Variants in CREB5 observed in about 807,000 individuals in gnomAD.
The protein encoded by CREB5 is cAMP responsive element binding protein 5.
A neutral mutation model predicts 57.1 loss-of-function variants in CREB5; 19 were observed. The observed-to-expected ratio is 0.33, with a 90% CI of 0.23 to 0.49. CREB5 has a LOEUF of 0.49. CREB5 is among the 20% of genes least tolerant of loss of function. The probability of loss-of-function intolerance (pLI) is 0.99; values close to 1 mark genes in which losing one functional copy is unlikely to be tolerated. For synonymous variants in CREB5, 238 were observed against 238.3 expected, an observed-to-expected ratio of 1.00 and a Z score of 0.01; for missense variants, 579 against 671.6, an observed-to-expected ratio of 0.86 and a Z score of 1.52.
upstream of CREB5, chr7:28,410,309 C>T (rs1302283558): frequency 6.6e-6 from 3 of 456,584 alleles, no homozygotes; most frequent in African/African-American, 4.0e-5. Context: ...GTTACCTCTT[C>T]CCGGCCGCTG....
At chr7:28,301,199 A>T (rs1383644499) in intron 1 of CREB5, among the ~76,000 whole-genome samples, 1 of 152,206 alleles carries the variant, frequency 6.6e-6, no homozygotes, top group East Asian at 1.9e-4. Context: ...TCAGAGAACC[A>T]GTTATTTCAG....
At chr7:28,693,456 C>T (rs558225455) in intron 5 of CREB5, among the ~76,000 whole-genome samples, 2 of 152,194 alleles carry the variant, frequency 1.3e-5, no homozygotes, top group Non-Finnish European at 2.9e-5. Flanking sequence ...CCTCTTGCAG[C>T]CTTTTGGGCC....
intron 1 of CREB5, among the ~76,000 whole-genome samples, chr7:28,318,603 G>T (rs576883668): frequency 3.9e-5 from 6 of 152,274 alleles, no homozygotes; most frequent in Admixed American, 3.3e-4. Context: ...TCTCAGGGTT[G>T]CCTGAGACAG....
At chr7:28,602,414 T>C (rs570051061) in intron 5 of CREB5, among the ~76,000 whole-genome samples, 1 of 152,286 alleles carries the variant, frequency 6.6e-6, no homozygotes, top group Non-Finnish European at 1.5e-5. Flanking sequence ...GTGGACTATT[T>C]TAAAATAAAG....
At chr7:28,756,856 CAG>C (rs1167484381) in intron 7 of CREB5, among the ~76,000 whole-genome samples, 1 of 152,114 alleles carries the variant, frequency 6.6e-6, no homozygotes, top group East Asian at 1.9e-4. Flanking sequence ...GAGAGAGAGG[CAG>C]AGAGAGATCA....
chr7:28,488,586 A>G (rs1791670502), intron 2 of CREB5, among the ~76,000 whole-genome samples: 1 of 152,218 alleles, frequency 6.6e-6, no homozygotes, highest in South Asian at 2.1e-4. Flanking sequence ...TTACTTTTAC[A>G]AAAGCCACTT....
At position 28,822,952 on chromosome 7, in the gene CREB5, T is replaced by C. The variant is rs1392379902; in HGVS notation, c.*3673T>C. On this transcript the variant is annotated 3_prime_UTR_variant, in exon 11 of 11. Coordinates refer to ENST00000357727, the MANE Select transcript of CREB5 (RefSeq NM_182898.4). ...CAGTTTGTGTGCTCACAGTATATAT[T>C]ATAGTAATTAGGGTGACTTAGAGCA... 2 of 152,634 alleles carry C rather than the reference T, an allele frequency of 1.3e-5. No individual in the cohort carries two copies. The highest frequency in any genetic ancestry group is 4.8e-5 in the African/African-American group (2 of 41,452). The allele number at this position is 152,634 out of a possible 1,614,324, so 9.5% of individuals were successfully genotyped here.
At chr7:28,587,104 T>A (rs902046908) in intron 5 of CREB5, among the ~76,000 whole-genome samples, 2 of 152,256 alleles carry the variant, frequency 1.3e-5, no homozygotes, top group Non-Finnish European at 2.9e-5. Flanking sequence ...TTCTAAATCA[T>A]TCATGTATTT....
intron 7 of CREB5, among the ~76,000 whole-genome samples, chr7:28,769,717 G>A (rs973331742): frequency 2.6e-5 from 4 of 152,008 alleles, no homozygotes; most frequent in Admixed American, 1.3e-4. Flanking sequence ...GTCCTTATAG[G>A]GCAGTTAGAG....
At chr7:28,586,943 A>T (rs1796326554) in intron 5 of CREB5, among the ~76,000 whole-genome samples, 1 of 152,210 alleles carries the variant, frequency 6.6e-6, no homozygotes, top group Admixed American at 6.5e-5. Context: ...GCAGCATCCC[A>T]CAGGGCATTT....
intron 3 of CREB5, among the ~76,000 whole-genome samples, chr7:28,497,471 A>C (rs1159200617): frequency 6.6e-6 from 1 of 152,222 alleles, no homozygotes; most frequent in Non-Finnish European, 1.5e-5. Context: ...GAAGAGAAAA[A>C]CAGTATGAGT....
chr7:28,446,961 A>G (rs1186648377), intron 1 of CREB5, among the ~76,000 whole-genome samples: 1 of 152,162 alleles, frequency 6.6e-6, no homozygotes, highest in Non-Finnish European at 1.5e-5. Flanking sequence ...ACCATTTCCT[A>G]TTCCCATCTG....
chr7:28,602,543 C>T (rs1443806121), intron 5 of CREB5, among the ~76,000 whole-genome samples: 5 of 152,092 alleles, frequency 3.3e-5, no homozygotes, highest in African/African-American at 4.8e-5. Flanking sequence ...AAGTAACAAA[C>T]AATTGATATA....
intron 5 of CREB5, among the ~76,000 whole-genome samples, chr7:28,618,683 C>T (rs549695844): frequency 1.6e-4 from 25 of 152,200 alleles, no homozygotes; most frequent in Non-Finnish European, 3.4e-4. Flanking sequence ...CTCTGTGATC[C>T]TCCCCTGGGA....
In CREB5 at chr7:28,496,461, G is replaced by C. The variant is rs376271859; in HGVS notation, c.169+1462G>C. Among the ~76,000 whole-genome samples, 410 of 152,258 alleles carry C rather than the reference G, an allele frequency of 2.7e-3. 2 individuals are homozygous for C. Among genetic ancestry groups the C allele is most frequent in the African/African-American group, 9.2e-3 (381 of 41,540 alleles). On this transcript the variant is annotated intron_variant, in intron 3 of 10. Transcript: ENST00000357727. ...TTATCAATAATCCTCTAAGGGTTTT[G>C]TCAGACAGGTTATTGTAACCCATTG...
intron 7 of CREB5, among the ~76,000 whole-genome samples, chr7:28,753,708 A>G (rs760473995): frequency 6.6e-6 from 1 of 152,210 alleles, no homozygotes; most frequent in Non-Finnish European, 1.5e-5. Flanking sequence ...ATGCATTCAC[A>G]CACATATTTA....
chr7:28,819,584 C>A lies in CREB5; in HGVS notation c.*305C>A, dbSNP rs192140342. The A allele has an allele frequency of 1.3e-5, 3 of 228,394 alleles. No homozygotes were observed. Among genetic ancestry groups the A allele is most frequent in the African/African-American group, 4.6e-5 (2 of 43,740 alleles). The allele number at this position is 228,394 out of a possible 1,614,324, so 14.1% of individuals were successfully genotyped here. ...TATATAGCCATGGTTTCATTCTTAT[C>A]AGTCCAACCCTTTGCCTGAAACATT... On this transcript the variant is annotated 3_prime_UTR_variant, in exon 11 of 11. Coordinates refer to ENST00000357727, the MANE Select transcript of CREB5 (RefSeq NM_182898.4).
chr7:28,657,557 C>CT lies in CREB5; in HGVS notation c.465-61196_465-61195insT, dbSNP rs1799378248. On this transcript the variant is annotated intron_variant, in intron 5 of 10. Transcript: ENST00000357727. Reference sequence around the variant, plus strand: ...CAGCCTGGCCAATATAGTGAAACCCCGTCTCTACTAACAATACAAAAATTA... The same window carrying CT: ...CAGCCTGGCCAATATAGTGAAACCCCTGTCTCTACTAACAATACAAAAATTA... Among the ~76,000 whole-genome samples the CT allele has an allele frequency of 9.2e-5, 14 of 151,902 alleles. 1 individual carries two copies. The South Asian group carries it at 2.9e-3, about 31-fold the overall frequency.
chr7:28,505,394 A>T (rs1291325238), intron 3 of CREB5, among the ~76,000 whole-genome samples: 1 of 152,170 alleles, frequency 6.6e-6, no homozygotes, highest in African/African-American at 2.4e-5. Flanking sequence ...CTTTAGTCAC[A>T]TATTTCTTCG....
Sources: gnomAD v4.1 joint callset for allele counts (sites outside exome capture counted in the v4.1 genomes callset) on GRCh38, gnomAD v4.1.1 for gene constraint, MANE v1.5 for transcripts, NCBI Gene and HGNC (gene_info 2026-07-23, HGNC 2026-07-21) for gene names.